Variants in USH2A observed in about 807,000 individuals in gnomAD.
USH2A encodes the protein usherin, also known as Usher syndrome 2A (autosomal recessive, mild).
USH2A carries 443 observed loss-of-function variants against 538.9 expected under a neutral mutation model. The ratio of observed to expected loss-of-function variants is 0.82; its 90% confidence interval spans 0.76 to 0.89. The LOEUF (loss-of-function observed/expected upper bound fraction) is 0.89. Ranked by LOEUF, USH2A falls within the 40% of genes least tolerant of loss-of-function variation. The pLI, the probability that USH2A is intolerant of heterozygous loss-of-function variation, is 0.00. For missense variants in USH2A, 6,633 were observed against 6,324.8 expected (o/e 1.05, Z -1.65); for synonymous variants, 2,413 against 2,273.5 (o/e 1.06, Z -1.75).
chr1:215,656,527 G>A (rs1014197657), intron 64 of USH2A, among the ~76,000 whole-genome samples: 14 of 152,144 alleles, frequency 9.2e-5, no homozygotes, highest in African/African-American at 3.1e-4. Context: ...AAATTCAGCC[G>A]ATTAATCTTT....
Position 215,782,937 on chromosome 1 carries a change from T to C in USH2A, c.10388-2A>G, listed in dbSNP as rs1553261479. On this transcript the variant is annotated splice_acceptor_variant, in intron 52 of 71. Transcript: ENST00000307340. LOFTEE classifies it high-confidence loss of function. ...TCATGTAGGGCTTGAGGTTCACATC[T>C]GGAAAGAGAAAAAATAGACAGGGAA... 4 of 1,612,332 alleles carry C rather than the reference T, an allele frequency of 2.5e-6. No homozygotes were observed. Among genetic ancestry groups the C allele is most frequent in the Non-Finnish European group, 3.4e-6 (4 of 1,179,188 alleles).
chr1:216,384,750 A>C (rs749980555), intron 3 of USH2A, among the ~76,000 whole-genome samples: 9 of 152,156 alleles, frequency 5.9e-5, no homozygotes, highest in Non-Finnish European at 1.3e-4. Context: ...ATTTGAGAAT[A>C]GGTGTCTGGT....
At chr1:216,009,895 C>T (rs1161492634) in intron 32 of USH2A, among the ~76,000 whole-genome samples, 1 of 152,116 alleles carries the variant, frequency 6.6e-6, no homozygotes, top group Non-Finnish European at 1.5e-5. Flanking sequence ...TTTTCTTTAT[C>T]CCAAATCAGA....
chr1:215,710,543 T>C (rs1659311295), intron 61 of USH2A, among the ~76,000 whole-genome samples: 1 of 152,088 alleles, frequency 6.6e-6, no homozygotes, highest in Non-Finnish European at 1.5e-5. Context: ...TAAGTAAACA[T>C]ACCCAGTAGA....
At chr1:216,010,036 T>C (rs955220165) in intron 32 of USH2A, among the ~76,000 whole-genome samples, 3 of 152,136 alleles carry the variant, frequency 2.0e-5, no homozygotes, top group African/African-American at 7.2e-5. Flanking sequence ...CAATATACAT[T>C]TTATTACCCA....
intron 60 of USH2A, among the ~76,000 whole-genome samples, chr1:215,738,548 G>A (rs1374088145): frequency 6.6e-6 from 1 of 152,010 alleles, no homozygotes. Context: ...ATTTTGCTTT[G>A]TTTTTGAAGT....
At chr1:215,799,264 T>C (rs1662243918) in intron 49 of USH2A, 139 bp from the exon 50 acceptor site, 1 of 1,093,420 alleles carries the variant, frequency 9.1e-7, no homozygotes, top group Non-Finnish European at 1.3e-6. Flanking sequence ...ATATTGGAGT[T>C]GCAAAATTTC....
At chr1:215,667,994 C>T (rs1324264356) in intron 64 of USH2A, among the ~76,000 whole-genome samples, 1 of 152,224 alleles carries the variant, frequency 6.6e-6, no homozygotes, top group Non-Finnish European at 1.5e-5. Flanking sequence ...ACCTCCCCAA[C>T]TATACATCCT....
At chr1:216,165,231 A>C (rs945442742) in intron 21 of USH2A, among the ~76,000 whole-genome samples, 1 of 152,174 alleles carries the variant, frequency 6.6e-6, no homozygotes, top group Admixed American at 6.5e-5. Flanking sequence ...AACCTATTGC[A>C]ATAAGCCCTA....
Position 215,856,492 on chromosome 1 carries a change from A to C in USH2A, c.8846-10459T>G, listed in dbSNP as rs143643527. Among the ~76,000 whole-genome samples, 581 of 152,342 alleles carry C rather than the reference A, an allele frequency of 3.8e-3. 5 individuals carry two copies. Among genetic ancestry groups the C allele is most frequent in the African/African-American group, 0.013 (528 of 41,586 alleles). ...TCAGGGAAATGCAAATGAAAACCAC[A>C]ATATGGTACCATCTTACTCCTGCAA... On this transcript the variant is annotated intron_variant, in intron 44 of 71. Coordinates refer to ENST00000307340, the MANE Select transcript of USH2A (RefSeq NM_206933.4).
At chr1:215,900,941 A>G (rs1400875601) in intron 38 of USH2A, 36 bp from the exon 39 acceptor site, 6 of 1,612,072 alleles carry the variant, frequency 3.7e-6, no homozygotes, top group Non-Finnish European at 4.2e-6. Context: ...AGCAGAGAAA[A>G]CTGTGGAGAA....
chr1:216,389,897 C>T (rs969250641), intron 3 of USH2A, among the ~76,000 whole-genome samples: 1 of 151,966 alleles, frequency 6.6e-6, no homozygotes, highest in Non-Finnish European at 1.5e-5. Context: ...TACTAATGCT[C>T]AGGTATCAGG....
At position 216,192,667 on chromosome 1, in the gene USH2A, A is replaced by T. The variant is rs1049441476; in HGVS notation, c.4252-2300T>A. Reference sequence around the variant, plus strand: ...CAGTGAACTGAGATTGCGCCACTGCACTCAAGCCTGGGTGACAGAGCGAGA... The same window carrying T: ...CAGTGAACTGAGATTGCGCCACTGCTCTCAAGCCTGGGTGACAGAGCGAGA... On this transcript the variant is annotated intron_variant, in intron 19 of 71. Transcript: ENST00000307340. Among the ~76,000 whole-genome samples, 6 of 152,078 alleles carry T rather than the reference A, an allele frequency of 3.9e-5. No individual in the cohort carries two copies. The East Asian group carries it at 9.7e-4, about 24-fold the overall frequency.
chr1:215,946,549 C>T (rs961994141), intron 37 of USH2A, among the ~76,000 whole-genome samples: 1 of 152,182 alleles, frequency 6.6e-6, no homozygotes, highest in African/African-American at 2.4e-5. Flanking sequence ...AAATATCAGT[C>T]ATGTCATTAT....
chr1:216,199,839 CCTT>C lies in USH2A; in HGVS notation c.3596_3598del (p.Glu1199del), dbSNP rs1294733964. 16 of 1,614,100 alleles carry C rather than the reference CCTT, an allele frequency of 9.9e-6. No homozygotes were observed. The East Asian group carries it at 3.6e-4, about 36-fold the overall frequency. ...CCAGATGGTAGCTGAGGTTTCATGA[CCTT>C]CGTAGGAAACACATGGCTGACCACC... On this transcript the variant is annotated inframe_deletion, in exon 17 of 72. Transcript: ENST00000307340.
chr1:215,953,547 TATACA>T, intron 37 of USH2A, among the ~76,000 whole-genome samples: 1 of 152,232 alleles, frequency 6.6e-6, no homozygotes, highest in African/African-American at 2.4e-5. Flanking sequence ...CCTTACACCT[TATACA>T]AAAATCAATT....
chr1:215,639,093 A>G, intron 69 of USH2A, 62 bp downstream of exon 69: 1 of 1,485,528 alleles, frequency 6.7e-7, no homozygotes, highest in African/African-American at 1.4e-5. Flanking sequence ...ATAAACAAAC[A>G]TATGTGTGTT....
chr1:216,332,354 C>A (rs1052317504), intron 4 of USH2A, among the ~76,000 whole-genome samples: 1 of 152,106 alleles, frequency 6.6e-6, no homozygotes, highest in Admixed American at 6.6e-5. Flanking sequence ...GCAGTAACAA[C>A]AGTCAGAAGA....
In USH2A at chr1:216,250,939, T is replaced by C; in HGVS notation, c.2131A>G (p.Asn711Asp). Residue 711 changes from asparagine to aspartate, a missense_variant, in exon 12 of 72, where the codon AAT becomes GAT. By Grantham distance (23) the Asn-to-Asp change is conservative (BLOSUM62 1). Coordinates refer to ENST00000307340, the MANE Select transcript of USH2A (RefSeq NM_206933.4). ...GCTTTGCACTTGCACTGGCCTGAAT[T>C]TTGGTGACAGGTAATATCTCCATCC... The part of the protein sequence containing the change: ...TVDGDITCHQ[N>D]SGQCKCKANV... 6.2e-7 allele frequency: 1 copy of C among 1,614,036 alleles called. No individual in the cohort carries two copies.
Sources: gnomAD v4.1 joint callset for allele counts (sites outside exome capture counted in the v4.1 genomes callset) on GRCh38, gnomAD v4.1.1 for gene constraint, MANE v1.5 for transcripts, NCBI Gene and HGNC (gene_info 2026-07-23, HGNC 2026-07-21) for gene names.